Variants in SPATA7 observed in about 807,000 individuals in gnomAD.
SPATA7 encodes the protein spermatogenesis associated 7.
In SPATA7, 43 loss-of-function variants were observed where a neutral mutation model predicts 51.8. The observed-to-expected ratio is 0.83, with a 90% confidence interval of 0.65 to 1.07. SPATA7 has a LOEUF of 1.07. SPATA7 is among the 50% of genes least tolerant of loss of function. The pLI is 0.00. For missense variants in SPATA7, 683 were observed against 701.3 expected (o/e 0.97, Z 0.30); for synonymous variants, 230 against 252.8 (o/e 0.91, Z 0.86).
intron 5 of SPATA7, among the ~76,000 whole-genome samples, chr14:88,421,836 C>G (rs1202699868): frequency 6.6e-6 from 1 of 151,738 alleles, no homozygotes; most frequent in East Asian, 1.9e-4. Context: ...GTACTCCTAG[C>G]TACTCAGGAG....
At chr14:88,387,484 G>A (rs747639372) in intron 1 of SPATA7, among the ~76,000 whole-genome samples, 5 of 151,954 alleles carry the variant, frequency 3.3e-5, no homozygotes, top group Admixed American at 6.5e-5. Context: ...AATAATTTTA[G>A]ACACAGCTAA....
intron 3 of SPATA7, among the ~76,000 whole-genome samples, chr14:88,446,139 T>C (rs1327353299): frequency 6.6e-6 from 1 of 152,210 alleles, no homozygotes; most frequent in Non-Finnish European, 1.5e-5. Context: ...TGGTAAGCTA[T>C]TGATTATTGC....
chr14:88,457,757 C>T (rs879135592), downstream of SPATA7, among the ~76,000 whole-genome samples: 1 of 152,208 alleles, frequency 6.6e-6, no homozygotes, highest in Non-Finnish European at 1.5e-5. Flanking sequence ...GAACTTCCAA[C>T]ACTGTGTTGA....
chr14:88,440,894 T>C (rs556403108), downstream of SPATA7, among the ~76,000 whole-genome samples: 18 of 152,296 alleles, frequency 1.2e-4, no homozygotes, highest in African/African-American at 3.8e-4. Context: ...AAGTTCTTCA[T>C]TGGTGACTTC....
downstream of SPATA7, among the ~76,000 whole-genome samples, chr14:88,457,154 A>G (rs939996917): frequency 8.5e-5 from 13 of 152,192 alleles, no homozygotes; most frequent in African/African-American, 2.4e-4. Context: ...GAAGTCAGGT[A>G]ACATGATGCC....
At chr14:88,403,405 A>T (rs976057076) in intron 4 of SPATA7, among the ~76,000 whole-genome samples, 6 of 152,358 alleles carry the variant, frequency 3.9e-5, no homozygotes, top group East Asian at 3.9e-4. Context: ...AATAGTCAAG[A>T]TATAGAAACA....
intron 1 of SPATA7, among the ~76,000 whole-genome samples, chr14:88,390,036 G>T (rs554625531): frequency 8.5e-5 from 13 of 152,304 alleles, no homozygotes; most frequent in African/African-American, 3.1e-4. Context: ...TCCCAAATCT[G>T]TCACATTCTT....
At chr14:88,434,583 G>C (rs1189396858) in intron 10 of SPATA7, among the ~76,000 whole-genome samples, 1 of 151,812 alleles carries the variant, frequency 6.6e-6, no homozygotes, top group Non-Finnish European at 1.5e-5. Context: ...TACTCAGGAG[G>C]GTGAGGCAGG....
At chr14:88,462,921 A>T (rs73329621) in intron 4 of SPATA7, among the ~76,000 whole-genome samples, 5,774 of 152,264 alleles carry the variant, frequency 0.038, 356 homozygotes, top group African/African-American at 0.13. Context: ...CATAACTCAA[A>T]AGTATATGGT....
chr14:88,445,285 TTGTC>T (rs1403400966), intron 3 of SPATA7, among the ~76,000 whole-genome samples: 1 of 149,890 alleles, frequency 6.7e-6, no homozygotes, highest in East Asian at 1.9e-4. Context: ...GGCTCTCTGT[TTGTC>T]TGTTGTTGGT....
At chr14:88,400,970 A>T (rs1418905611) in intron 4 of SPATA7, among the ~76,000 whole-genome samples, 2 of 152,258 alleles carry the variant, frequency 1.3e-5, no homozygotes, top group Admixed American at 1.3e-4. Context: ...TAAAAATAGA[A>T]GTGGGAATAC....
At chr14:88,391,703 C>T (rs2075749845) in intron 2 of SPATA7, 2 of 550,740 alleles carry the variant, frequency 3.6e-6, no homozygotes, top group Admixed American at 2.6e-5. Flanking sequence ...AGCAGCCCAG[C>T]TCTACTTTTG....
At position 88,409,532 on chromosome 14, in the gene SPATA7, A is replaced by G. The variant is rs150733838; in HGVS notation, c.239-7179A>G. On this transcript the variant is annotated intron_variant, in intron 4 of 11. Coordinates refer to ENST00000393545, the MANE Select transcript of SPATA7 (RefSeq NM_018418.5). ...TCTATCTATTTTGTTCATCTTTTCA[A>G]AAAAACAGCTCCTGGATTTATTGAT... Among the ~76,000 whole-genome samples, 95 of 147,794 alleles carry G rather than the reference A, an allele frequency of 6.4e-4. No homozygotes were observed. In the East Asian group the frequency reaches 0.014, roughly 22 times the overall value.
intron 5 of SPATA7, among the ~76,000 whole-genome samples, chr14:88,422,805 T>C (rs2076683408): frequency 6.6e-6 from 1 of 151,996 alleles, no homozygotes; most frequent in South Asian, 2.1e-4. Context: ...TAAGCCCTGA[T>C]AATAAATATT....
At chr14:88,415,501 T>TA (rs141586901) in intron 4 of SPATA7, among the ~76,000 whole-genome samples, 4,088 of 149,568 alleles carry the variant, frequency 0.027, 180 homozygotes, top group African/African-American at 0.099. Context: ...TTGTTTTTTT[T>TA]TAAATAAAAT....
chr14:88,449,179 A>G (rs935152655), intron 3 of SPATA7, among the ~76,000 whole-genome samples: 9 of 152,090 alleles, frequency 5.9e-5, no homozygotes, highest in Non-Finnish European at 1.0e-4. Flanking sequence ...GTACTCTTTC[A>G]GACTTCATGA....
exon 4 of SPATA7, chr14:88,455,073 C>T: frequency 2.2e-6 from 1 of 455,940 alleles, no homozygotes; most frequent in South Asian, 1.5e-5. Flanking sequence ...CCAGATGCTG[C>T]TACTACTGGT....
At chr14:88,466,701 C>T (rs1008573359) in intron 4 of SPATA7, 2 of 152,174 alleles carry the variant, frequency 1.3e-5, no homozygotes, top group African/African-American at 2.4e-5. Flanking sequence ...CAGCCTGGCT[C>T]TGTCTATTGG....
chr14:88,466,932 C>T (rs1292454976), intron 4 of SPATA7: 1 of 152,102 alleles, frequency 6.6e-6, no homozygotes, highest in African/African-American at 2.4e-5. Flanking sequence ...TTTAATGATA[C>T]TATAATGCTG....
Sources: gnomAD v4.1 joint callset for allele counts (sites outside exome capture counted in the v4.1 genomes callset) on GRCh38, gnomAD v4.1.1 for gene constraint, MANE v1.5 for transcripts, NCBI Gene and HGNC (gene_info 2026-07-23, HGNC 2026-07-21) for gene names.